Variants in MTUS1 observed in about 807,000 individuals in gnomAD.
MTUS1 encodes microtubule-associated tumor suppressor 1.
In MTUS1, 109 loss-of-function variants were observed where a neutral mutation model predicts 120.8. That is an observed-to-expected ratio of 0.90 (90% CI 0.77 to 1.06). MTUS1 has a LOEUF of 1.06. Ranked by LOEUF, MTUS1 falls within the 50% of genes least tolerant of loss-of-function variation. The pLI, the probability that MTUS1 is intolerant of heterozygous loss-of-function variation, is 0.00. For missense variants in MTUS1, 2,210 were observed against 1,486.3 expected (o/e 1.49, Z -8.01); for synonymous variants, 737 against 550.5 (o/e 1.34, Z -4.74).
At chr8:17,781,482 C>T (rs149335694) in intron 1 of MTUS1, among the ~76,000 whole-genome samples, 1 of 152,262 alleles carries the variant, frequency 6.6e-6, no homozygotes, top group Non-Finnish European at 1.5e-5. Context: ...GTTACTGTTT[C>T]GATTCCTCTG....
At chr8:17,659,240 A>T (rs1317621859) in intron 8 of MTUS1, among the ~76,000 whole-genome samples, 2 of 152,310 alleles carry the variant, frequency 1.3e-5, no homozygotes, top group African/African-American at 2.4e-5. Flanking sequence ...GGCAAGGCGC[A>T]TGATGGGGCC....
chr8:17,692,291 C>T (rs1049538836), intron 6 of MTUS1: 15 of 152,116 alleles, frequency 9.9e-5, no homozygotes, highest in African/African-American at 2.4e-4. Context: ...GCCAATGAGA[C>T]GGAAGCTTAA....
chr8:17,686,522 C>T (rs370117943), intron 6 of MTUS1, among the ~76,000 whole-genome samples: 5 of 152,160 alleles, frequency 3.3e-5, no homozygotes, highest in Admixed American at 1.3e-4. Context: ...TATGTCCTAC[C>T]GAAACTTACT....
chr8:17,674,987 G>T, intron 8 of MTUS1, 199 bp downstream of exon 8: 1 of 1,401,030 alleles, frequency 7.1e-7, no homozygotes, highest in Non-Finnish European at 9.3e-7. Flanking sequence ...TCAGATCAGT[G>T]CCAGGAATTC....
intron 8 of MTUS1, among the ~76,000 whole-genome samples, chr8:17,664,783 C>T (rs1242250085): frequency 6.6e-6 from 1 of 152,130 alleles, no homozygotes; most frequent in Non-Finnish European, 1.5e-5. Flanking sequence ...TGGCAAGCGA[C>T]TATGTAGGTG....
intron 6 of MTUS1, among the ~76,000 whole-genome samples, chr8:17,705,488 G>T (rs1234063196): frequency 6.6e-6 from 1 of 152,166 alleles, no homozygotes; most frequent in Non-Finnish European, 1.5e-5. Flanking sequence ...ACTGTCTCAA[G>T]AAGATTTACT....
chr8:17,682,659 G>A (rs182837071), intron 7 of MTUS1, among the ~76,000 whole-genome samples: 1 of 152,050 alleles, frequency 6.6e-6, no homozygotes, highest in African/African-American at 2.4e-5. Flanking sequence ...GGACTTGACT[G>A]ACGTCATGAG....
intron 6 of MTUS1, 142 bp from the exon 7 acceptor site, chr8:17,684,684 T>G: frequency 1.5e-6 from 1 of 672,384 alleles, no homozygotes; most frequent in South Asian, 1.8e-5. Context: ...GGATGAGAAC[T>G]GGAATGAATC....
intron 4 of MTUS1, chr8:17,722,355 G>A: frequency 4.1e-6 from 4 of 966,850 alleles, no homozygotes; most frequent in Non-Finnish European, 4.9e-6. Context: ...ATTCTGTTTT[G>A]GCAGTTTGTC....
rs1462321754 is a variant in MTUS1, at chr8:17,753,703, T to C, written c.2091+14A>G. 3 of 1,517,948 alleles carry C rather than the reference T, an allele frequency of 2.0e-6. No individual in the cohort carries two copies. The highest frequency in any genetic ancestry group is 2.8e-5 in the African/African-American group (2 of 71,260). The allele number at this position is 1,517,948 out of a possible 1,614,324, so 94.0% of individuals were successfully genotyped here. The stretch of plus-strand genomic sequence containing the variant: ...TTCTCTGAAGCATGCAAAAAATATA[T>C]ATATATTACTTACCAAAAACAGAGA... On this transcript the variant is annotated intron_variant, in intron 2 of 14. Coordinates refer to ENST00000693296, the MANE Select transcript of MTUS1 (RefSeq NM_001363059.2).
intron 3 of MTUS1, among the ~76,000 whole-genome samples, chr8:17,740,180 C>G (rs530315555): frequency 1.7e-3 from 264 of 151,554 alleles, no homozygotes; most frequent in African/African-American, 6.3e-3. Context: ...TGCACTCCAG[C>G]CTGATCAACA....
At chr8:17,679,330 T>G (rs1450405014) in intron 7 of MTUS1, among the ~76,000 whole-genome samples, 1 of 143,896 alleles carries the variant, frequency 6.9e-6, no homozygotes, top group African/African-American at 2.6e-5. Context: ...GTATCTATTT[T>G]ATATACATAT....
rs148155751 is a variant in MTUS1, at chr8:17,746,470, T to C, written c.2092-2671A>G. Among the ~76,000 whole-genome samples, 763 of 152,266 alleles carry C rather than the reference T, an allele frequency of 5.0e-3. 14 individuals carry two copies. The highest frequency in any genetic ancestry group is 0.017 in the African/African-American group (701 of 41,562). ...CGTGGCTAGGGAGGCTTCACAATCATGGCAGAAGGTGAAAGGTTCATCTTA... is the reference window on the plus strand; with the variant it reads ...CGTGGCTAGGGAGGCTTCACAATCACGGCAGAAGGTGAAAGGTTCATCTTA... On this transcript the variant is annotated intron_variant, in intron 2 of 14. Transcript: ENST00000693296.
At chr8:17,751,763 C>T (rs144304027) in intron 2 of MTUS1, among the ~76,000 whole-genome samples, 2,036 of 147,862 alleles carry the variant, frequency 0.014, 45 homozygotes, top group African/African-American at 0.046. Flanking sequence ...GAGGCTGAGG[C>T]AGGAGAATTG....
chr8:17,780,304 C>G (rs540031232), intron 1 of MTUS1, among the ~76,000 whole-genome samples: 2 of 152,318 alleles, frequency 1.3e-5, no homozygotes, highest in African/African-American at 4.8e-5. Context: ...GCGGCCTCAT[C>G]AGAAGCACAT....
At chr8:17,788,669 C>T (rs1255991690) in intron 1 of MTUS1, among the ~76,000 whole-genome samples, 2 of 152,152 alleles carry the variant, frequency 1.3e-5, no homozygotes, top group Admixed American at 6.6e-5. Context: ...CAATCTAAGT[C>T]AACATTCCTT....
rs1008034968 is a variant in MTUS1 at position 17,694,711 on chromosome 8, G to C, written c.2624-10169C>G. 1.4e-4 allele frequency among the ~76,000 whole-genome samples: 21 copies of C among 152,196 alleles called. 1 individual carries two copies. The highest frequency in any genetic ancestry group is 3.9e-4 in the East Asian group (2 of 5,176). ...ACAACAAAAACCAAAGGTGGGGTTT[G>C]ATGACCAGACACATGGTGTCATGAA... On this transcript the variant is annotated intron_variant, in intron 6 of 14. Coordinates refer to ENST00000693296, the MANE Select transcript of MTUS1 (RefSeq NM_001363059.2).
At chr8:17,715,515 G>T (rs147929721) in intron 5 of MTUS1, among the ~76,000 whole-genome samples, 66 of 152,248 alleles carry the variant, frequency 4.3e-4, no homozygotes, top group African/African-American at 1.6e-3. Flanking sequence ...TTTAACTCCT[G>T]AAGTTTTGCT....
Position 17,743,792 on chromosome 8 carries a change from G to A in MTUS1, c.2099C>T (p.Ala700Val). Reference protein sequence around the residue: ...FEYGSLFLGSASKTTTTSGRN... With the variant: ...FEYGSLFLGSVSKTTTTSGRN... Reference sequence around the variant, plus strand: ...ACCTGAGGTGGTCGTTGTTTTTGAAGCAGAGCCCTGTGAAAATAACAGTTA... The same window carrying A: ...ACCTGAGGTGGTCGTTGTTTTTGAAACAGAGCCCTGTGAAAATAACAGTTA... Residue 700 changes from alanine to valine, a missense_variant, in exon 3 of 15, where the codon GCT (alanine) becomes GTT (valine). Ala to Val is a moderately conservative substitution (Grantham distance 64, BLOSUM62 0). Transcript: ENST00000693296. 2 of 1,613,542 alleles carry A rather than the reference G, an allele frequency of 1.2e-6. No homozygotes were observed. The highest frequency in any genetic ancestry group is 1.7e-6 in the Non-Finnish European group (2 of 1,179,776).
Sources: allele counts gnomAD v4.1 joint callset (sites outside exome capture counted in the v4.1 genomes callset), GRCh38; gene constraint gnomAD v4.1.1; transcripts MANE v1.5; gene names NCBI Gene and HGNC (gene_info 2026-07-23, HGNC 2026-07-21).